TRIM48: variants seen among roughly 807,000 people sequenced by gnomAD.
TRIM48 encodes tripartite motif containing 48, also known as E3 ubiquitin-protein ligase TRIM48.
In TRIM48, 31 loss-of-function variants were observed where a neutral mutation model predicts 29.5. The ratio of observed to expected loss-of-function variants is 1.05; its 90% CI spans 0.79 to 1.42. TRIM48 has a LOEUF of 1.42. Ranked by LOEUF, TRIM48 falls within the 40% of genes most tolerant of loss-of-function variation. The pLI is 0.00. For synonymous variants in TRIM48, 128 were observed against 90.6 expected (o/e 1.41, Z -2.34); for missense variants, 344 against 265.0 (o/e 1.30, Z -2.07).
intron 3 of TRIM48, among the ~76,000 whole-genome samples, chr11:55,266,453 T>C (rs1857393953): frequency 6.8e-6 from 1 of 147,602 alleles, no homozygotes; most frequent in Non-Finnish European, 1.5e-5. Flanking sequence ...TTTGCCAGTA[T>C]AGAAGAAAGA....
Position 55,265,322 on chromosome 11 carries a change from A to T in TRIM48, c.459+8A>T. 6.3e-7 allele frequency: 1 copy of T among 1,582,092 alleles called. No individual in the cohort carries two copies. Among genetic ancestry groups the T allele is most frequent in the South Asian group, 1.2e-5 (1 of 83,570 alleles). On this transcript the variant is annotated splice_region_variant and intron_variant, in intron 2 of 5. Coordinates refer to ENST00000417545, the MANE Select transcript of TRIM48 (RefSeq NM_024114.5). ...GCTGCTGAGGAACACTGGGTAAGTG[A>T]TGCCTCTGAAGATCTATTTCTATAA...
chr11:55,262,275 G>C lies in TRIM48; in HGVS notation c.8G>C (p.Arg3Pro). Residue 3 changes from arginine to proline, a missense_variant, in exon 1 of 6, where the codon CGA (arginine) becomes CCA (proline). Physicochemically the swap from Arg to Pro is moderately radical, Grantham distance 103. Coordinates refer to ENST00000417545, the MANE Select transcript of TRIM48 (RefSeq NM_024114.5). MS[R>P]RIIVGTLQRT... ...GGAGTACTTAACAGAATTATGTCTC[G>C]AAGAATCATTGTGGGAACCCTTCAA... is the stretch of plus-strand genomic sequence containing the variant. The C allele has an allele frequency of 6.5e-7, 1 of 1,548,784 alleles. No individual in the cohort carries two copies. The highest frequency in any genetic ancestry group is 8.7e-7 in the Non-Finnish European group (1 of 1,146,304).
In TRIM48 at chr11:55,270,495, G is replaced by A; in HGVS notation, c.*60G>A. The stretch of plus-strand genomic sequence containing the variant: ...GTCATATCTTCCGATGTGGAGATTT[G>A]AGAAGCATTTGTATTGGATGTGACC... On this transcript the variant is annotated 3_prime_UTR_variant, in exon 6 of 6. Transcript: ENST00000417545. The A allele has an allele frequency of 1.3e-6, 2 of 1,573,190 alleles. No individual in the cohort carries two copies. The highest frequency in any genetic ancestry group is 1.2e-5 in the South Asian group (1 of 82,950).
Position 55,268,515 on chromosome 11 carries a change from A to G in TRIM48, c.578+143A>G, listed in dbSNP as rs1289800651. ...TTCTTTCATTCCCACACCAGAAAAG[A>G]CAAGACCACTAAGTAAATAAATACA... On this transcript the variant is annotated intron_variant, in intron 4 of 5. Transcript: ENST00000417545. The G allele has an allele frequency of 1.7e-5, 13 of 768,706 alleles. 2 individuals carry two copies. The Admixed American group carries it at 3.0e-4, about 18-fold the overall frequency. The allele number at this position is 768,706 out of a possible 1,614,324, so 47.6% of individuals were successfully genotyped here.
intron 1 of TRIM48, among the ~76,000 whole-genome samples, chr11:55,262,730 T>C (rs953317058): frequency 9.2e-5 from 14 of 152,002 alleles, no homozygotes; most frequent in Non-Finnish European, 1.9e-4. Context: ...TGATGAGAGA[T>C]GAAAAATAGT....
At position 55,270,952 on chromosome 11, in the gene TRIM48, A is replaced by G; in HGVS notation, c.*517A>G. 5.1e-6 allele frequency: 8 copies of G among 1,555,042 alleles called. 2 individuals carry two copies. The South Asian group carries it at 8.5e-5, about 17-fold the overall frequency. On this transcript the variant is annotated 3_prime_UTR_variant, in exon 6 of 6. Transcript: ENST00000417545. ...TCTCCTCTGACCAGAGACAAATCAG[A>G]AATGTGTTCATCTGCTGTGGGAACC...
intron 3 of TRIM48, chr11:55,267,412 T>G: frequency 6.3e-7 from 1 of 1,576,796 alleles, no homozygotes; most frequent in Non-Finnish European, 8.6e-7. Flanking sequence ...TGCCGTATTA[T>G]GTGAATGTAA....
rs1857474814 is a variant in TRIM48, at chr11:55,270,880, C to G, written c.*445C>G. The G allele has an allele frequency of 6.4e-7, 1 of 1,561,124 alleles. No individual in the cohort carries two copies. Among genetic ancestry groups the G allele is most frequent in the Non-Finnish European group, 8.7e-7 (1 of 1,147,422 alleles). On this transcript the variant is annotated 3_prime_UTR_variant, in exon 6 of 6. Transcript: ENST00000417545. ...TCAAAGCTCCCCTATATACACCATC[C>G]CTAATTGCTCCTTCTCACTTCCTCT...
rs1314386960 is a variant in TRIM48, at chr11:55,265,445, CA to C, written c.459+134del. The C allele has an allele frequency of 9.4e-6, 14 of 1,495,824 alleles. 1 individual carries two copies. The highest frequency in any genetic ancestry group is 4.8e-4 in the Middle Eastern group (2 of 4,138). 92.7% of individuals were successfully genotyped at this position (1,495,824 alleles called of 1,614,324 possible). ...ACTCTCTTTTGGGCTTTCTTAGCTT[CA>C]AACCTCTGAGATTTGACGAGGAAGA... On this transcript the variant is annotated intron_variant, in intron 2 of 5. Coordinates refer to ENST00000417545, the MANE Select transcript of TRIM48 (RefSeq NM_024114.5).
At chr11:55,267,444 A>G in intron 3 of TRIM48, 1 of 1,578,986 alleles carries the variant, frequency 6.3e-7, no homozygotes, top group Non-Finnish European at 8.6e-7. Flanking sequence ...ATTAAAGCTG[A>G]GTATCAGAAG....
chr11:55,263,738 C>T (rs1857341863), intron 1 of TRIM48, among the ~76,000 whole-genome samples: 1 of 152,104 alleles, frequency 6.6e-6, no homozygotes, highest in Admixed American at 6.6e-5. Flanking sequence ...TGATTCTACA[C>T]GAGGGGAATT....
intron 1 of TRIM48, among the ~76,000 whole-genome samples, chr11:55,262,568 G>A (rs1281064497): frequency 6.6e-6 from 1 of 151,952 alleles, no homozygotes; most frequent in African/African-American, 2.4e-5. Flanking sequence ...ATGAATATAT[G>A]GAGTTGATAT....
Position 55,270,152 on chromosome 11 carries a change from A to C in TRIM48, c.*2-285A>C, listed in dbSNP as rs888572291. On this transcript the variant is annotated intron_variant, in intron 5 of 5. Coordinates refer to ENST00000417545, the MANE Select transcript of TRIM48 (RefSeq NM_024114.5). ...TAGCATTTAGGGCGTATAATGTGCA[A>C]ATTTTGCTTTGAAAATTGGATTGAA... Among the ~76,000 whole-genome samples, 11 of 148,278 alleles carry C rather than the reference A, an allele frequency of 7.4e-5. 1 individual carries two copies. The highest frequency in any genetic ancestry group is 2.0e-4 in the Admixed American group (3 of 14,652).
chr11:55,270,852 T>C lies in TRIM48; in HGVS notation c.*417T>C. 6.4e-7 allele frequency: 1 copy of C among 1,568,602 alleles called. No homozygotes were observed. Among genetic ancestry groups the C allele is most frequent in the Non-Finnish European group, 8.7e-7 (1 of 1,153,354 alleles). On this transcript the variant is annotated 3_prime_UTR_variant, in exon 6 of 6. Transcript: ENST00000417545. Reference sequence around the variant, plus strand: ...CTAGAACTGTGAGCTTCGTTGATGTTAGTCAAAGCTCCCCTATATACACCA... The same window carrying C: ...CTAGAACTGTGAGCTTCGTTGATGTCAGTCAAAGCTCCCCTATATACACCA...
chr11:55,262,795 C>T (rs1857324468), intron 1 of TRIM48, among the ~76,000 whole-genome samples: 1 of 120,638 alleles, frequency 8.3e-6, no homozygotes. Flanking sequence ...GAAATCAAAA[C>T]ACAATTTTTT....
intron 5 of TRIM48, 131 bp from the exon 6 acceptor site, chr11:55,270,306 A>C (rs1450735197): frequency 1.4e-6 from 1 of 700,226 alleles, no homozygotes; most frequent in Non-Finnish European, 2.2e-6. Flanking sequence ...GTTACAAGCA[A>C]AAGTGTCCTT....
Position 55,271,101 on chromosome 11 carries a change from TA to T in TRIM48, c.*671del, listed in dbSNP as rs1857480577. The T allele has an allele frequency of 5.7e-6, 5 of 876,480 alleles. No individual in the cohort carries two copies. The Admixed American group carries it at 1.3e-4, about 23-fold the overall frequency. The allele number at this position is 876,480 out of a possible 1,614,324, so 54.3% of individuals were successfully genotyped here. A position where few individuals can be genotyped will look rare whatever the true frequency, so the allele number is the denominator to read the frequency against. Reference sequence around the variant, plus strand: ...TTTATTGTGTTACTATTAAATGTAGTAAAAACACTAAAAGTATATATATTGG... The same window carrying T: ...TTTATTGTGTTACTATTAAATGTAGTAAAACACTAAAAGTATATATATTGG... On this transcript the variant is annotated 3_prime_UTR_variant, in exon 6 of 6. Transcript: ENST00000417545.
intron 5 of TRIM48, among the ~76,000 whole-genome samples, 163 bp from the exon 6 acceptor site, chr11:55,270,274 T>C (rs1171649527): frequency 6.7e-6 from 1 of 148,164 alleles, no homozygotes; most frequent in Non-Finnish European, 1.5e-5. Flanking sequence ...ATAATATTAA[T>C]CATCTCTATA....
intron 4 of TRIM48, among the ~76,000 whole-genome samples, chr11:55,269,037 G>C (rs1353120173): frequency 6.7e-6 from 1 of 148,286 alleles, no homozygotes; most frequent in African/African-American, 2.5e-5. Context: ...AGAAACATCA[G>C]ACTGAATTCT....
Sources: gnomAD v4.1 joint callset for allele counts (sites outside exome capture counted in the v4.1 genomes callset) on GRCh38, gnomAD v4.1.1 for gene constraint, MANE v1.5 for transcripts, NCBI Gene and HGNC (gene_info 2026-07-23, HGNC 2026-07-21) for gene names.